The following LDB2 variants were observed in gnomAD, a reference collection of about 807,000 sequenced individuals.
LDB2 encodes LIM domain-binding protein 2.
Under a neutral mutation model 44.3 loss-of-function variants are expected in LDB2, and 12 were observed. That is an observed-to-expected ratio of 0.27 (90% CI 0.17 to 0.44). LDB2 has a LOEUF of 0.44. Ranked by LOEUF, LDB2 falls within the 20% of genes least tolerant of loss-of-function variation. The probability of loss-of-function intolerance (pLI) is 1.00; values close to 1 mark genes in which losing one functional copy is unlikely to be tolerated. For missense variants in LDB2, 344 were observed against 473.5 expected (o/e 0.73, Z 2.54); for synonymous variants, 164 against 174.8 (o/e 0.94, Z 0.49).
chr4:16,849,770 C>T (rs893256422), intron 1 of LDB2, among the ~76,000 whole-genome samples: 3 of 152,170 alleles, frequency 2.0e-5, no homozygotes, highest in African/African-American at 4.8e-5. Flanking sequence ...CACTCTCTGG[C>T]CATTCCCTGG....
chr4:16,605,153 C>T (rs544805201), intron 2 of LDB2, among the ~76,000 whole-genome samples: 18 of 152,184 alleles, frequency 1.2e-4, no homozygotes, highest in African/African-American at 3.9e-4. Context: ...GTAGGATGAT[C>T]CCGGTTATGG....
intron 2 of LDB2, among the ~76,000 whole-genome samples, chr4:16,624,052 C>A (rs975980552): frequency 6.6e-6 from 1 of 152,140 alleles, no homozygotes; most frequent in African/African-American, 2.4e-5. Flanking sequence ...GTACCAGTAC[C>A]ATTATTGTTA....
At chr4:16,720,621 T>A (rs576442547) in intron 2 of LDB2, among the ~76,000 whole-genome samples, 3 of 152,158 alleles carry the variant, frequency 2.0e-5, no homozygotes, top group African/African-American at 7.2e-5. Flanking sequence ...CTCATCAAGG[T>A]CAATTGGTTC....
At chr4:16,874,257 T>C (rs1717680809) in intron 1 of LDB2, among the ~76,000 whole-genome samples, 1 of 152,024 alleles carries the variant, frequency 6.6e-6, no homozygotes, top group African/African-American at 2.4e-5. Context: ...TTATATTTAA[T>C]AAATAAATAG....
intron 2 of LDB2, among the ~76,000 whole-genome samples, chr4:16,675,292 TGTGTTTAATTCTA>T (rs1165933524): frequency 6.6e-6 from 1 of 152,218 alleles, no homozygotes; most frequent in African/African-American, 2.4e-5. Context: ...CGTTTGAGTA[TGTGTTTAATTCTA>T]TGCAATTTTA....
intron 2 of LDB2, among the ~76,000 whole-genome samples, chr4:16,728,481 A>T (rs968037852): frequency 9.3e-6 from 1 of 107,046 alleles, no homozygotes; most frequent in Non-Finnish European, 1.9e-5. Flanking sequence ...CATTAACTCC[A>T]AATTTTTTTA....
chr4:16,817,955 C>CA (rs1216066792), intron 1 of LDB2, among the ~76,000 whole-genome samples: 3 of 152,078 alleles, frequency 2.0e-5, no homozygotes, highest in Non-Finnish European at 4.4e-5. Flanking sequence ...TAGCCTAAAA[C>CA]AACAATTATA....
At chr4:16,732,826 T>A (rs1168708273) in intron 2 of LDB2, among the ~76,000 whole-genome samples, 1 of 152,158 alleles carries the variant, frequency 6.6e-6, no homozygotes, top group Non-Finnish European at 1.5e-5. Flanking sequence ...GGCAACAAAG[T>A]GAAGCCAATG....
At chr4:16,554,842 G>A (rs994819136) in intron 5 of LDB2, among the ~76,000 whole-genome samples, 2 of 152,144 alleles carry the variant, frequency 1.3e-5, no homozygotes. Flanking sequence ...CACAATGATG[G>A]ATTCATGTCA....
At chr4:16,503,364 T>TTTTCTCTG (rs1173914830) in intron 7 of LDB2, among the ~76,000 whole-genome samples, 2 of 152,150 alleles carry the variant, frequency 1.3e-5, no homozygotes, top group African/African-American at 4.8e-5. Flanking sequence ...CCAAACGGTA[T>TTTTCTCTG]TTTCTCTGTC....
intron 2 of LDB2, among the ~76,000 whole-genome samples, chr4:16,629,570 G>C (rs1490783114): frequency 1.3e-5 from 2 of 152,038 alleles, no homozygotes; most frequent in Admixed American, 6.6e-5. Flanking sequence ...CTAACAAAGA[G>C]AAAGGAATAG....
At chr4:16,614,586 A>AC (rs1560637449) in intron 2 of LDB2, among the ~76,000 whole-genome samples, 80 of 151,140 alleles carry the variant, frequency 5.3e-4, no homozygotes, top group African/African-American at 1.7e-3. Context: ...AAAACAAAAA[A>AC]AAAAAAAAAA....
chr4:16,881,943 G>T (rs1015313711), intron 1 of LDB2, among the ~76,000 whole-genome samples: 4 of 152,140 alleles, frequency 2.6e-5, no homozygotes, highest in African/African-American at 9.7e-5. Flanking sequence ...ATGTAGCATT[G>T]TTAAGAAGTT....
chr4:16,583,847 C>A lies in LDB2; in HGVS notation c.615+2075G>T, dbSNP rs575510446. ...GGGCTATCTCTGGCTTTGCATCTCC[C>A]TCTATTTCAGCACGCTTCGCTGGAA... On this transcript the variant is annotated intron_variant, in intron 5 of 7. Coordinates refer to ENST00000304523, the MANE Select transcript of LDB2 (RefSeq NM_001290.5). Among the ~76,000 whole-genome samples, 5 of 152,276 alleles carry A rather than the reference C, an allele frequency of 3.3e-5. No individual in the cohort carries two copies. The South Asian group carries it at 1.0e-3, about 32-fold the overall frequency.
intron 5 of LDB2, 65 bp downstream of exon 5, chr4:16,585,857 T>A: frequency 8.4e-7 from 1 of 1,192,686 alleles, no homozygotes. Context: ...TGGTTCAGGA[T>A]GCATATAAAC....
chr4:16,744,636 AG>A (rs1458538298), intron 2 of LDB2, among the ~76,000 whole-genome samples: 1 of 151,978 alleles, frequency 6.6e-6, no homozygotes, highest in Non-Finnish European at 1.5e-5. Flanking sequence ...CACCATGCCC[AG>A]CTAATTTTTT....
intron 2 of LDB2, among the ~76,000 whole-genome samples, chr4:16,609,331 T>A (rs989618505): frequency 9.3e-6 from 1 of 108,002 alleles, no homozygotes; most frequent in Admixed American, 1.1e-4. Context: ...TTAAGCCTAC[T>A]GAACTCCCAG....
At chr4:16,768,874 G>A (rs988864628) in intron 1 of LDB2, among the ~76,000 whole-genome samples, 2 of 152,136 alleles carry the variant, frequency 1.3e-5, no homozygotes, top group Admixed American at 6.5e-5. Context: ...TCTTATAGAT[G>A]AGAAAACTGA....
chr4:16,817,302 G>T (rs370978765), intron 1 of LDB2, among the ~76,000 whole-genome samples: 6 of 152,078 alleles, frequency 3.9e-5, no homozygotes, highest in African/African-American at 1.4e-4. Flanking sequence ...CCAGTCTTCC[G>T]CATGATTTGA....
Sources: allele counts gnomAD v4.1 joint callset (sites outside exome capture counted in the v4.1 genomes callset), GRCh38; gene constraint gnomAD v4.1.1; transcripts MANE v1.5; gene names NCBI Gene and HGNC (gene_info 2026-07-23, HGNC 2026-07-21).